The following SEPTIN4 variants were observed in gnomAD, a reference collection of about 807,000 sequenced individuals.
SEPTIN4 encodes septin 4.
A neutral mutation model predicts 107.1 loss-of-function variants in SEPTIN4; 52 were observed. The observed-to-expected ratio is 0.49, with a 90% confidence interval of 0.39 to 0.61. SEPTIN4 has a LOEUF of 0.61. Ranked by LOEUF, SEPTIN4 falls within the 20% of genes least tolerant of loss-of-function variation. SEPTIN4 has a pLI of 0.00. For missense variants in SEPTIN4, 1,048 were observed against 1,243.5 expected (o/e 0.84, Z 2.36); for synonymous variants, 417 against 467.0 (o/e 0.89, Z 1.38).
chr17:58,520,343 G>T lies in SEPTIN4; in HGVS notation c.*83C>A. On this transcript the variant is annotated 3_prime_UTR_variant, in exon 14 of 14. Coordinates refer to ENST00000672673, the MANE Select transcript of SEPTIN4 (RefSeq NM_001368771.2). ...AGGCGAAGTGGCAGTAGCTGAAGGGGCCTGAGCAGAGCTGGTGCTGGGAGG... is the reference window on the plus strand; with the variant it reads ...AGGCGAAGTGGCAGTAGCTGAAGGGTCCTGAGCAGAGCTGGTGCTGGGAGG... 7.6e-7 allele frequency: 1 copy of T among 1,309,786 alleles called. No individual in the cohort carries two copies. Among genetic ancestry groups the T allele is most frequent in the Non-Finnish European group, 1.1e-6 (1 of 918,748 alleles). The allele number at this position is 1,309,786 out of a possible 1,614,324, so 81.1% of individuals were successfully genotyped here.
chr17:58,544,005 G>C lies in SEPTIN4; in HGVS notation c.182C>G (p.Pro61Arg). ...TCGAGGGTAGTCTGATGCTGAATGG[G>C]GAGTGGTGGGATGTGCAGCTTCTGA... Reference protein sequence around the residue: ...RRSEAAHPTTPHSASDYPRSV... With the variant: ...RRSEAAHPTTRHSASDYPRSV... Residue 61 changes from proline (P) to arginine (R), a missense_variant, in exon 1 of 14, where the codon CCC (proline) becomes CGC (arginine). This residue lies in a region of SEPTIN4 where 787 missense variants were observed against 871.8 expected (regional missense o/e 0.90). Transcript: ENST00000672673. 6.2e-7 allele frequency: 1 copy of C among 1,614,028 alleles called. No individual in the cohort carries two copies.
chr17:58,536,154 C>T (rs893076195), intron 3 of SEPTIN4, among the ~76,000 whole-genome samples: 2 of 152,204 alleles, frequency 1.3e-5, no homozygotes, highest in Non-Finnish European at 2.9e-5. Context: ...GGACAGACTG[C>T]TCCTTAAAAT....
intron 3 of SEPTIN4, 100 bp downstream of exon 3, chr17:58,540,566 G>T: frequency 1.0e-6 from 1 of 958,108 alleles, no homozygotes; most frequent in Non-Finnish European, 1.4e-6. Flanking sequence ...GAGCAGCTCT[G>T]TCTCCCTCCA....
At position 58,521,029 on chromosome 17, in the gene SEPTIN4, T is replaced by A. The variant is rs1425959287; in HGVS notation, c.2800A>T (p.Thr934Ser). The A allele has an allele frequency of 6.2e-7, 1 of 1,614,016 alleles. No individual in the cohort carries two copies. The highest frequency in any genetic ancestry group is 8.5e-7 in the Non-Finnish European group (1 of 1,180,028). The change falls in exon 12 of 14, where the codon ACC becomes TCC. Residue 934 changes from threonine (T) to serine (S), a missense_variant. Thr to Ser is a moderately conservative substitution (Grantham distance 58). This residue lies in a region of SEPTIN4 where 261 missense variants were observed against 371.7 expected (regional missense o/e 0.70). Transcript: ENST00000672673. This position sits in a 1 kb window ranked among gnomAD's most constrained non-coding sequence, Gnocchi z 6.4. Reference sequence around the variant, plus strand: ...TTCCGTTCCTTCACCACCAGGCGGGTCATGCTCTGGATGCACTGTGCCCGG... The same window carrying A: ...TTCCGTTCCTTCACCACCAGGCGGGACATGCTCTGGATGCACTGTGCCCGG... ...NYRAQCIQSM[T>S]RLVVKERNRN...
intron 2 of SEPTIN4, among the ~76,000 whole-genome samples, chr17:58,540,974 G>C (rs1567977815): frequency 1.3e-5 from 2 of 152,146 alleles, no homozygotes; most frequent in African/African-American, 2.4e-5. Context: ...GGCTTGGAGA[G>C]GTAAAATAAC....
chr17:58,541,594 G>A (rs1481180798), intron 2 of SEPTIN4: 1 of 525,470 alleles, frequency 1.9e-6, no homozygotes, highest in Non-Finnish European at 3.3e-6. Context: ...TGTGAAGCAG[G>A]CGGTTTGCTT....
At chr17:58,533,297 G>A (rs1344731516) in intron 3 of SEPTIN4, among the ~76,000 whole-genome samples, 1 of 152,176 alleles carries the variant, frequency 6.6e-6, no homozygotes, top group Non-Finnish European at 1.5e-5. Flanking sequence ...GCCGGTTGAG[G>A]AGAAACCTTC....
rs1309021326 is a variant in SEPTIN4 at position 58,525,794 on chromosome 17, A to G, written c.2006-13T>C. ...AGGCCAGACTCTCCTGAGAGGAGAG[A>G]GGACAGAGGCACCAAATCAGAAGGT... is the stretch of plus-strand genomic sequence containing the variant. On this transcript the variant is annotated splice_polypyrimidine_tract_variant and intron_variant, in intron 5 of 13. Coordinates refer to ENST00000672673, the MANE Select transcript of SEPTIN4 (RefSeq NM_001368771.2). The G allele has an allele frequency of 3.7e-6, 6 of 1,606,700 alleles. No homozygotes were observed. Among genetic ancestry groups the G allele is most frequent in the Non-Finnish European group, 5.1e-6 (6 of 1,173,288 alleles).
Position 58,542,741 on chromosome 17 carries a change from T to C in SEPTIN4, c.1446A>G (p.Leu482=), listed in dbSNP as rs144536922. 8.8e-4 allele frequency: 1,420 copies of C among 1,614,228 alleles called. 1 individual carries two copies. The highest frequency in any genetic ancestry group is 1.1e-3 in the Non-Finnish European group (1,353 of 1,180,040). Residue 482 remains leucine (L), a synonymous_variant, in exon 1 of 14, where the codon CTA becomes CTG. Transcript: ENST00000672673. ...DLKFQREKAS[L]SPPSPPKEFP... ...ACTCCTTTGGTGGTGATGGTGGTGA[T>C]AGGCTTGCCTTCTCTCTCTGGAACT...
chr17:58,522,684 G>A (rs1384679253), intron 7 of SEPTIN4, among the ~76,000 whole-genome samples: 10 of 150,266 alleles, frequency 6.7e-5, no homozygotes, highest in East Asian at 2.0e-4. Context: ...AGAAGAAGAA[G>A]AAAAAAAGAA....
intron 6 of SEPTIN4, 77 bp downstream of exon 6, chr17:58,525,618 G>C (rs761550173): frequency 2.9e-5 from 37 of 1,291,720 alleles, no homozygotes; most frequent in Middle Eastern, 2.1e-4. Context: ...ATGTGGGGGA[G>C]AGCCCCATCC....
chr17:58,526,571 CAA>C lies in SEPTIN4; in HGVS notation c.1911+109_1911+110del, dbSNP rs1491165811. The C allele has an allele frequency of 8.4e-5, 107 of 1,281,402 alleles. No individual in the cohort carries two copies. In the African/African-American group the frequency reaches 1.0e-3, roughly 12 times the overall value. 79.4% of individuals were successfully genotyped at this position (1,281,402 alleles called of 1,614,324 possible). On this transcript the variant is annotated intron_variant, in intron 4 of 13. Coordinates refer to ENST00000672673, the MANE Select transcript of SEPTIN4 (RefSeq NM_001368771.2). ...AATAGGTCCCAGATACACACACACA[CAA>C]ACACACACACACACACACACACACA...
intron 3 of SEPTIN4, among the ~76,000 whole-genome samples, chr17:58,537,522 G>A (rs1323981301): frequency 6.6e-6 from 1 of 152,196 alleles, no homozygotes; most frequent in Non-Finnish European, 1.5e-5. Flanking sequence ...GTGCAACAAT[G>A]GTCAAACTGC....
intron 3 of SEPTIN4, among the ~76,000 whole-genome samples, chr17:58,534,550 G>A (rs1811844033): frequency 6.6e-6 from 1 of 152,236 alleles, no homozygotes; most frequent in Non-Finnish European, 1.5e-5. Context: ...GCCAGCAGGT[G>A]GCCTGGCCAA....
chr17:58,543,336 AC>A lies in SEPTIN4; in HGVS notation c.850del (p.Val284TyrfsTer8). 1 of 1,614,192 alleles carries A rather than the reference AC, an allele frequency of 6.2e-7. No individual in the cohort carries two copies. The highest frequency in any genetic ancestry group is 1.7e-5 in the Admixed American group (1 of 60,030). On this transcript the variant is annotated frameshift_variant, in exon 1 of 14. Coordinates refer to ENST00000672673, the MANE Select transcript of SEPTIN4 (RefSeq NM_001368771.2). LOFTEE classifies it high-confidence loss of function. ...GTCTACCCGTGCAGAAACTCGGTGT[AC>A]ACCATCAGAATCTTTAAGGACAGAG... ...KLSVLKDSDG[V>X]HRVSARVDPE...
intron 1 of SEPTIN4, 76 bp from the exon 2 acceptor site, chr17:58,542,042 C>T: frequency 6.6e-7 from 1 of 1,519,552 alleles, no homozygotes; most frequent in South Asian, 1.2e-5. Context: ...CTTGCAGCTC[C>T]CTTTCTAGCT....
intron 3 of SEPTIN4, chr17:58,531,963 T>G (rs1315216220): frequency 1.2e-5 from 14 of 1,147,072 alleles, no homozygotes; most frequent in Non-Finnish European, 6.4e-6. Flanking sequence ...TGCCTTACCA[T>G]GGCTGCAGCC....
chr17:58,535,234 G>A (rs537752871), intron 3 of SEPTIN4, among the ~76,000 whole-genome samples: 22 of 152,352 alleles, frequency 1.4e-4, no homozygotes, highest in African/African-American at 5.3e-4. Context: ...GGCATAAGGT[G>A]TGGGTGGCAA....
Position 58,522,031 on chromosome 17 carries a change from G to A in SEPTIN4, c.2287C>T (p.Arg763Ter), listed in dbSNP as rs750341271. ...QYFRDESGLNRKNIQDNRVHC... is the reference protein window; with the variant it reads ...QYFRDESGLN Reference sequence around the variant, plus strand: ...ACCCTGTTGTCTTGGATGTTCTTTCGGTTCAGGCCACTCTCGTCTCGGAAA... The same window carrying A: ...ACCCTGTTGTCTTGGATGTTCTTTCAGTTCAGGCCACTCTCGTCTCGGAAA... The change falls in exon 8 of 14, where the codon CGA becomes TGA. Residue 763 changes from arginine to a stop codon, truncating the protein, a stop_gained. Transcript: ENST00000672673. LOFTEE classifies it high-confidence loss of function. 2.5e-6 allele frequency: 4 copies of A among 1,614,172 alleles called. No individual in the cohort carries two copies. The highest frequency in any genetic ancestry group is 2.5e-6 in the Non-Finnish European group (3 of 1,180,026).
Sources: gnomAD v4.1 joint callset for allele counts (sites outside exome capture counted in the v4.1 genomes callset) on GRCh38, gnomAD v4.1.1 for gene constraint, gnomAD v4.1.1 regional missense constraint, Gnocchi (gnomAD v3.1) non-coding constraint, MANE v1.5 for transcripts, NCBI Gene and HGNC (gene_info 2026-07-23, HGNC 2026-07-21) for gene names.